Variants in SIAE observed in about 807,000 individuals in gnomAD.
The protein encoded by SIAE is sialic acid acetylesterase, also known as sialate O-acetylesterase.
A neutral mutation model predicts 52.6 loss-of-function variants in SIAE; 39 were observed. The observed-to-expected ratio is 0.74, with a 90% CI of 0.57 to 0.97. The LOEUF (loss-of-function observed/expected upper bound fraction) is 0.97. Among genes scored for constraint, SIAE ranks in the 50% least tolerant of loss-of-function variants. The pLI is 0.00. For synonymous variants in SIAE, 233 were observed against 241.4 expected, an observed-to-expected ratio of 0.97 and a Z score of 0.32; for missense variants, 592 against 662.1, an observed-to-expected ratio of 0.89 and a Z score of 1.16.
intron 1 of SIAE, among the ~76,000 whole-genome samples, chr11:124,671,616 T>C (rs1943357647): frequency 1.3e-5 from 2 of 152,182 alleles, no homozygotes; most frequent in Non-Finnish European, 2.9e-5. Flanking sequence ...TTTGTAAAGT[T>C]TAAATTCTAA....
intron 2 of SIAE, among the ~76,000 whole-genome samples, chr11:124,664,984 C>G (rs1276523338): frequency 6.6e-6 from 1 of 151,358 alleles, no homozygotes; most frequent in Non-Finnish European, 1.5e-5. Flanking sequence ...GCCTACACTG[C>G]CCCTCACCAA....
At chr11:124,646,314 GTAC>G (rs1308387996) in intron 7 of SIAE, among the ~76,000 whole-genome samples, 7 of 152,104 alleles carry the variant, frequency 4.6e-5, no homozygotes, top group African/African-American at 1.7e-4. Flanking sequence ...AACTACATAC[GTAC>G]TAGGGATGTT....
At chr11:124,656,835 G>A (rs1244907259) in intron 3 of SIAE, among the ~76,000 whole-genome samples, 1 of 152,208 alleles carries the variant, frequency 6.6e-6, no homozygotes, top group Non-Finnish European at 1.5e-5. Flanking sequence ...AGGCGCTCCA[G>A]CTGAGTCGGG....
At position 124,655,307 on chromosome 11, in the gene SIAE, C is replaced by T. The variant is rs1591390635; in HGVS notation, c.406-514G>A. Among the ~76,000 whole-genome samples the T allele has an allele frequency of 3.3e-5, 5 of 151,956 alleles. 1 individual carries two copies. Among genetic ancestry groups the T allele is most frequent in the Admixed American group, 3.3e-4 (5 of 15,258 alleles). ...TCTCCTGCCTCAGCCTCCCGAGTAG[C>T]TGGAACTACAGGCGCCCACCACCAT... On this transcript the variant is annotated intron_variant, in intron 3 of 9. Coordinates refer to ENST00000263593, the MANE Select transcript of SIAE (RefSeq NM_170601.5).
At chr11:124,642,132 A>G (rs1324877978) in intron 7 of SIAE, among the ~76,000 whole-genome samples, 1 of 152,158 alleles carries the variant, frequency 6.6e-6, no homozygotes. Flanking sequence ...CAGGCAACCA[A>G]CTGGATATGG....
chr11:124,658,408 G>A (rs1476874657), intron 3 of SIAE, among the ~76,000 whole-genome samples: 1 of 151,512 alleles, frequency 6.6e-6, no homozygotes, highest in African/African-American at 2.4e-5. Flanking sequence ...TCTTTTGTTG[G>A]AATGTGGTAC....
chr11:124,671,250 T>A (rs1051119901), intron 1 of SIAE, among the ~76,000 whole-genome samples: 13 of 152,364 alleles, frequency 8.5e-5, no homozygotes, highest in East Asian at 3.9e-4. Context: ...ACTGATCAAG[T>A]AACTGAGACC....
At chr11:124,663,488 GGT>G (rs1228051290) in intron 2 of SIAE, among the ~76,000 whole-genome samples, 1 of 152,032 alleles carries the variant, frequency 6.6e-6, no homozygotes, top group Non-Finnish European at 1.5e-5. Flanking sequence ...GCAGGAGTAT[GGT>G]GTGAACCCGG....
intron 1 of SIAE, 91 bp downstream of exon 1, chr11:124,673,551 G>C (rs1943405887): frequency 1.2e-5 from 17 of 1,454,488 alleles, no homozygotes; most frequent in Non-Finnish European, 1.6e-5. Context: ...CCTTGAGAAA[G>C]GGGCGCGGAT....
At chr11:124,644,900 CACTT>C (rs1323940091) in intron 7 of SIAE, among the ~76,000 whole-genome samples, 4 of 152,182 alleles carry the variant, frequency 2.6e-5, no homozygotes, top group Non-Finnish European at 5.9e-5. Context: ...TCAAACTTAG[CACTT>C]CTATGAAGCC....
rs775800564 is a variant in SIAE, at chr11:124,649,684, G to A, written c.657C>T (p.Gly219=). The change falls in exon 5 of 10, where the codon GGC becomes GGT. Residue 219 remains glycine (G), a synonymous_variant. Coordinates refer to ENST00000263593, the MANE Select transcript of SIAE (RefSeq NM_170601.5). ...ATGACCAGGCTTCAATGGGTGTCCCGCCCCAGCTGGAGGCGATCAGCCCGA... is the reference window on the plus strand; with the variant it reads ...ATGACCAGGCTTCAATGGGTGTCCCACCCCAGCTGGAGGCGATCAGCCCGA... The part of the protein sequence containing the change: ...YPIGLIASSW[G]GTPIEAWSSG... The A allele has an allele frequency of 6.8e-6, 11 of 1,614,158 alleles. No individual in the cohort carries two copies. The highest frequency in any genetic ancestry group is 6.7e-5 in the Admixed American group (4 of 60,014).
intron 7 of SIAE, among the ~76,000 whole-genome samples, 162 bp from the exon 8 acceptor site, chr11:124,640,029 G>A (rs559397653): frequency 9.2e-5 from 14 of 152,314 alleles, no homozygotes; most frequent in South Asian, 2.1e-4. Flanking sequence ...TCCAAAGACA[G>A]CTGCAACAGT....
At chr11:124,657,831 A>T (rs1459083880) in intron 3 of SIAE, among the ~76,000 whole-genome samples, 1 of 152,118 alleles carries the variant, frequency 6.6e-6, no homozygotes, top group Admixed American at 6.5e-5. Flanking sequence ...TTCCTCGGGG[A>T]TATGTGCAGC....
intron 7 of SIAE, among the ~76,000 whole-genome samples, chr11:124,646,077 T>G (rs1198932822): frequency 6.6e-6 from 1 of 152,326 alleles, no homozygotes; most frequent in Non-Finnish European, 1.5e-5. Context: ...CTTACTTGTT[T>G]GATTTCTTAT....
intron 1 of SIAE, among the ~76,000 whole-genome samples, chr11:124,673,126 G>A (rs1943394514): frequency 6.6e-6 from 1 of 152,134 alleles, no homozygotes; most frequent in Non-Finnish European, 1.5e-5. Flanking sequence ...AATAGTCAGA[G>A]CTAGTGAGGG....
At chr11:124,642,757 T>G (rs1243840395) in intron 7 of SIAE, among the ~76,000 whole-genome samples, 1 of 152,256 alleles carries the variant, frequency 6.6e-6, no homozygotes, top group Non-Finnish European at 1.5e-5. Flanking sequence ...ATTTTGCAGA[T>G]GTTACAAGTA....
intron 3 of SIAE, among the ~76,000 whole-genome samples, chr11:124,656,414 G>A (rs993702919): frequency 6.6e-6 from 1 of 152,114 alleles, no homozygotes; most frequent in Non-Finnish European, 1.5e-5. Flanking sequence ...TGGTGTTCAG[G>A]GTAACAGCTC....
chr11:124,663,269 A>G (rs987820257), intron 2 of SIAE, among the ~76,000 whole-genome samples: 1 of 152,006 alleles, frequency 6.6e-6, no homozygotes, highest in Non-Finnish European at 1.5e-5. Flanking sequence ...CAACTCAGAG[A>G]CAGTTCATTT....
intron 9 of SIAE, among the ~76,000 whole-genome samples, chr11:124,638,263 A>AGAT (rs1343863339): frequency 6.6e-6 from 1 of 152,260 alleles, no homozygotes; most frequent in Non-Finnish European, 1.5e-5. Context: ...GCCCTAGCAA[A>AGAT]GATGGTTGCT....
Sources: allele counts gnomAD v4.1 joint callset (sites outside exome capture counted in the v4.1 genomes callset), GRCh38; gene constraint gnomAD v4.1.1; transcripts MANE v1.5; gene names NCBI Gene and HGNC (gene_info 2026-07-23, HGNC 2026-07-21).